The following CACNA1E variants were observed in gnomAD, a reference collection of about 807,000 sequenced individuals.
CACNA1E encodes calcium voltage-gated channel subunit alpha1 E.
In CACNA1E, 40 loss-of-function variants were observed where a neutral mutation model predicts 259.2. The observed-to-expected ratio is 0.15, with a 90% CI of 0.12 to 0.20. The LOEUF (loss-of-function observed/expected upper bound fraction) is 0.20. Among genes scored for constraint, CACNA1E ranks in the 10% least tolerant of loss-of-function variants. The pLI is 1.00. For missense variants in CACNA1E, 1,874 were observed against 3,040.1 expected, an observed-to-expected ratio of 0.62 and a Z score of 9.02; for synonymous variants, 1,104 against 1,138.5, an observed-to-expected ratio of 0.97 and a Z score of 0.61.
chr1:181,564,057 A>G (rs1412494313), intron 3 of CACNA1E, among the ~76,000 whole-genome samples: 1 of 152,206 alleles, frequency 6.6e-6, no homozygotes, highest in Non-Finnish European at 1.5e-5. Context: ...GGTAGATCTT[A>G]CCTGGATGTT....
At chr1:181,321,983 C>T (rs1475495901) in intron 1 of CACNA1E, among the ~76,000 whole-genome samples, 1 of 152,222 alleles carries the variant, frequency 6.6e-6, no homozygotes, top group East Asian at 1.9e-4. Flanking sequence ...CACGCCTTTT[C>T]TCTTCCCTTC....
intron 34 of CACNA1E, among the ~76,000 whole-genome samples, chr1:181,764,542 G>C (rs1197485944): frequency 6.6e-6 from 1 of 152,160 alleles, no homozygotes; most frequent in African/African-American, 2.4e-5. Flanking sequence ...CTTCATCGAG[G>C]ACCTGGGATT....
In CACNA1E at chr1:181,639,262, G is replaced by C. The variant is rs112571554; in HGVS notation, c.952-12076G>C. On this transcript the variant is annotated intron_variant, in intron 6 of 47. Coordinates refer to ENST00000367573, the MANE Select transcript of CACNA1E (RefSeq NM_001205293.3). ...GCCACCATGCCCGGCTAATTTTTTC[G>C]TATTTTCAGTAGAGATGGGGTTTCA... 7.6e-4 allele frequency among the ~76,000 whole-genome samples: 116 copies of C among 152,028 alleles called. 1 individual carries two copies. In the East Asian group the frequency reaches 0.02, roughly 26 times the overall value.
At chr1:181,608,496 A>T (rs529522540) in intron 6 of CACNA1E, among the ~76,000 whole-genome samples, 3 of 152,240 alleles carry the variant, frequency 2.0e-5, no homozygotes, top group African/African-American at 7.2e-5. Flanking sequence ...CATTATGAAA[A>T]GTGTCTGGAG....
At chr1:181,327,076 C>T (rs1185598320) in intron 1 of CACNA1E, among the ~76,000 whole-genome samples, 1 of 152,198 alleles carries the variant, frequency 6.6e-6, no homozygotes, top group East Asian at 1.9e-4. Context: ...TAACCGTCAG[C>T]CTCTCCTAGG....
At chr1:181,422,602 G>A (rs545424297) in intron 2 of CACNA1E, among the ~76,000 whole-genome samples, 2 of 152,210 alleles carry the variant, frequency 1.3e-5, no homozygotes, top group East Asian at 1.9e-4. Context: ...TTTGACTTTG[G>A]GTAAGATATC....
intron 1 of CACNA1E, among the ~76,000 whole-genome samples, chr1:181,408,923 C>T (rs1657655764): frequency 1.3e-5 from 2 of 152,168 alleles, no homozygotes; most frequent in South Asian, 4.1e-4. Context: ...ACTTTGCTCT[C>T]AGGAAGCTGC....
In CACNA1E at chr1:181,332,345, A is replaced by G. The variant is rs151238424; in HGVS notation, c.-15+14222A>G. 3.6e-4 allele frequency among the ~76,000 whole-genome samples: 55 copies of G among 152,350 alleles called. No individual in the cohort carries two copies. The East Asian group carries it at 9.6e-3, about 27-fold the overall frequency. On this transcript the variant is annotated intron_variant, in intron 1 of 11. Transcript: ENST00000524607. ...ACATTTACCTATGTAACAAACCTGC[A>G]CATCCTGCACATGTTACCCTGAGCT...
intron 6 of CACNA1E, among the ~76,000 whole-genome samples, chr1:181,590,416 A>AATATATAT (rs67459960): frequency 8.6e-6 from 1 of 115,884 alleles, no homozygotes; most frequent in African/African-American, 3.7e-5. Flanking sequence ...AAAAAAAAAA[A>AATATATAT]ATATATATAT....
intron 25 of CACNA1E, among the ~76,000 whole-genome samples, chr1:181,747,227 G>C (rs1261566839): frequency 6.6e-6 from 1 of 152,236 alleles, no homozygotes; most frequent in Non-Finnish European, 1.5e-5. Context: ...AAGGACAGAA[G>C]GGTTCTTTAG....
At chr1:181,770,709 T>C (rs937831485) in intron 35 of CACNA1E, among the ~76,000 whole-genome samples, 3 of 152,210 alleles carry the variant, frequency 2.0e-5, no homozygotes, top group Non-Finnish European at 4.4e-5. Context: ...TTCAATCTCA[T>C]AGATTCTACA....
chr1:181,406,957 A>G (rs1657506896), intron 1 of CACNA1E, among the ~76,000 whole-genome samples: 1 of 152,242 alleles, frequency 6.6e-6, no homozygotes, highest in South Asian at 2.1e-4. Context: ...GACCTAGAGA[A>G]GTCAAGCTAA....
chr1:181,421,274 G>A (rs147990476), intron 2 of CACNA1E, among the ~76,000 whole-genome samples: 93 of 152,254 alleles, frequency 6.1e-4, no homozygotes, highest in African/African-American at 2.0e-3. Context: ...TGTAACCTCC[G>A]CATTTTTTGA....
intron 7 of CACNA1E, among the ~76,000 whole-genome samples, chr1:181,695,070 T>A (rs192662498): frequency 6.6e-6 from 1 of 152,174 alleles, no homozygotes. Context: ...GGGTTATATA[T>A]GCTTGCAATG....
chr1:181,438,436 C>A (rs1464322690), intron 2 of CACNA1E, among the ~76,000 whole-genome samples: 3 of 152,178 alleles, frequency 2.0e-5, no homozygotes, highest in African/African-American at 2.4e-5. Flanking sequence ...GGGAATGGTG[C>A]ATTTATGGAA....
At chr1:181,343,141 G>C (rs1652303189) in intron 1 of CACNA1E, among the ~76,000 whole-genome samples, 1 of 151,930 alleles carries the variant, frequency 6.6e-6, no homozygotes, top group African/African-American at 2.4e-5. Flanking sequence ...TGAGCAACTG[G>C]GTAGATGAGG....
At chr1:181,352,207 GGGGT>G (rs1262145748) in intron 1 of CACNA1E, among the ~76,000 whole-genome samples, 13 of 152,186 alleles carry the variant, frequency 8.5e-5, no homozygotes, top group African/African-American at 3.1e-4. Context: ...TGAGAAGTTT[GGGGT>G]GGCAGAAGCC....
intron 25 of CACNA1E, chr1:181,745,301 A>C (rs943093306): frequency 8.8e-6 from 4 of 455,588 alleles, no homozygotes; most frequent in African/African-American, 8.2e-5. Context: ...CCTTTATCTT[A>C]TGGAGGCAAT....
In CACNA1E at chr1:181,532,773, T is replaced by C. The variant is rs189446585; in HGVS notation, c.512+21263T>C. Reference sequence around the variant, plus strand: ...CTTTACATTACAGTACTTCAAACCTTCCCAAGCAGGGGATACTTTTTTCTT... The same window carrying C: ...CTTTACATTACAGTACTTCAAACCTCCCCAAGCAGGGGATACTTTTTTCTT... On this transcript the variant is annotated intron_variant, in intron 3 of 47. Coordinates refer to ENST00000367573, the MANE Select transcript of CACNA1E (RefSeq NM_001205293.3). 9.2e-5 allele frequency among the ~76,000 whole-genome samples: 14 copies of C among 152,344 alleles called. No individual in the cohort carries two copies. The East Asian group carries it at 2.5e-3, about 27-fold the overall frequency.
Sources: gnomAD v4.1 joint callset for allele counts (sites outside exome capture counted in the v4.1 genomes callset) on GRCh38, gnomAD v4.1.1 for gene constraint, MANE v1.5 for transcripts, NCBI Gene and HGNC (gene_info 2026-07-23, HGNC 2026-07-21) for gene names.